TP53BP2: variants seen among roughly 807,000 people sequenced by gnomAD.
TP53BP2 encodes apoptosis-stimulating of p53 protein 2.
Under a neutral mutation model 126.2 loss-of-function variants are expected in TP53BP2, and 62 were observed. The ratio of observed to expected loss-of-function variants is 0.49; its 90% confidence interval spans 0.40 to 0.61. The LOEUF is 0.61. Among genes scored for constraint, TP53BP2 ranks in the 20% least tolerant of loss-of-function variants. The pLI is 0.00. For missense variants in TP53BP2, 1,215 were observed against 1,402.8 expected, an observed-to-expected ratio of 0.87 and a Z score of 2.14; for synonymous variants, 485 against 502.9, an observed-to-expected ratio of 0.96 and a Z score of 0.48.
Position 223,796,557 on chromosome 1 carries a change from T to C in TP53BP2, c.1982A>G (p.Asn661Ser). The C allele has an allele frequency of 6.2e-7, 1 of 1,612,466 alleles. No homozygotes were observed. Among genetic ancestry groups the C allele is most frequent in the Non-Finnish European group, 8.5e-7 (1 of 1,179,220 alleles). Reference sequence around the variant, plus strand: ...AATGTTCTCTGGGTGCTGCTGTTGATTCTGGGCAGCAGCAATTACAGGCTT... The same window carrying C: ...AATGTTCTCTGGGTGCTGCTGTTGACTCTGGGCAGCAGCAATTACAGGCTT... ...YGKPVIAAAQNQQQHPENIYS... is the reference protein window; with the variant it reads ...YGKPVIAAAQSQQQHPENIYS... Residue 661 changes from asparagine (N) to serine (S), a missense_variant, in exon 13 of 18, where the codon AAT (asparagine) becomes AGT (serine). Physicochemically the swap from Asn to Ser is conservative, Grantham distance 46. Around this residue, in one of 4 missense-constraint regions of TP53BP2, gnomAD observed 814 missense variants for 853.0 expected, o/e 0.95. Transcript: ENST00000343537. The surrounding 1 kb of genome is among the most constrained non-coding windows in gnomAD (Gnocchi z 4.2).
In TP53BP2 at chr1:223,784,139, T is replaced by C. The variant is rs750606250; in HGVS notation, c.3339A>G (p.Gly1113=). 6.2e-7 allele frequency: 1 copy of C among 1,614,154 alleles called. No homozygotes were observed. Among genetic ancestry groups the C allele is most frequent in the South Asian group, 1.1e-5 (1 of 91,088 alleles). ...WWWARLNDKE[G]YVPRNLLGLY... ...CTCCCAGCAAGTTACGTGGAACATA[T>C]CCCTCCTTATCATTAAGGCGCGCCC... The change falls in exon 17 of 18, where the codon GGA becomes GGG. Residue 1113 remains glycine (G), a synonymous_variant. Transcript: ENST00000343537.
intron 16 of TP53BP2, among the ~76,000 whole-genome samples, chr1:223,788,072 A>AAAAAT (rs3051220): frequency 0.17 from 26,055 of 151,402 alleles, 3,524 homozygotes; most frequent in African/African-American, 0.36. Flanking sequence ...TCGCCTCTAA[A>AAAAAT]AAAATAAAAT....
rs757349307 is a variant in TP53BP2, at chr1:223,799,891, G to T, written c.1485+8C>A. On this transcript the variant is annotated splice_region_variant and intron_variant, in intron 11 of 17. Transcript: ENST00000343537. ...TTAAATTTTAAAAACCAGGATATTT[G>T]TAGGTACCTGAGCATCCCGCAAGAT... The T allele has an allele frequency of 6.4e-7, 1 of 1,568,414 alleles. No individual in the cohort carries two copies. The highest frequency in any genetic ancestry group is 1.2e-5 in the South Asian group (1 of 82,960).
intron 7 of TP53BP2, 177 bp from the exon 8 acceptor site, chr1:223,803,072 G>A: frequency 1.1e-6 from 1 of 877,580 alleles, no homozygotes; most frequent in Non-Finnish European, 1.7e-6. Context: ...CACCAGCTGT[G>A]GTTATGAGGA....
intron 1 of TP53BP2, among the ~76,000 whole-genome samples, chr1:223,825,329 G>A (rs979237243): frequency 6.6e-6 from 1 of 152,098 alleles, no homozygotes; most frequent in Non-Finnish European, 1.5e-5. Flanking sequence ...AACTCACCCA[G>A]GTCACACAGC....
intron 14 of TP53BP2, 35 bp downstream of exon 14, chr1:223,793,268 A>C: frequency 6.7e-7 from 1 of 1,483,186 alleles, no homozygotes; most frequent in Non-Finnish European, 9.0e-7. Context: ...CGAGACTCTG[A>C]CTCAAAAAAA....
intron 16 of TP53BP2, among the ~76,000 whole-genome samples, chr1:223,786,662 A>G (rs1253215488): frequency 6.7e-6 from 1 of 149,564 alleles, no homozygotes; most frequent in Non-Finnish European, 1.5e-5. Context: ...GCTGGAGTGC[A>G]GTGGCGTGAT....
chr1:223,843,234 T>C (rs923292652), intron 1 of TP53BP2, among the ~76,000 whole-genome samples: 21 of 151,748 alleles, frequency 1.4e-4, no homozygotes, highest in Non-Finnish European at 2.2e-4. Flanking sequence ...AGTACAGTGG[T>C]GCCATCTCGG....
chr1:223,790,765 A>T (rs1662129824), intron 15 of TP53BP2, among the ~76,000 whole-genome samples: 1 of 151,920 alleles, frequency 6.6e-6, no homozygotes, highest in Non-Finnish European at 1.5e-5. Flanking sequence ...CAGCGCACCT[A>T]GCTAATTTTT....
chr1:223,785,837 G>A (rs1473155179), intron 16 of TP53BP2, among the ~76,000 whole-genome samples: 2 of 152,124 alleles, frequency 1.3e-5, no homozygotes, highest in African/African-American at 2.4e-5. Context: ...CGAAAGCTAC[G>A]AGGTATCATT....
chr1:223,786,565 T>C (rs914243290), intron 16 of TP53BP2, among the ~76,000 whole-genome samples: 2 of 137,374 alleles, frequency 1.5e-5, no homozygotes, highest in African/African-American at 5.8e-5. Context: ...TATATATGTG[T>C]GTGTGTGCGT....
chr1:223,822,519 A>G (rs1663347543), intron 1 of TP53BP2, among the ~76,000 whole-genome samples: 1 of 152,052 alleles, frequency 6.6e-6, no homozygotes, highest in African/African-American at 2.4e-5. Context: ...TTAAAAGAAA[A>G]TCAGCCAGAC....
At chr1:223,810,569 G>T in intron 3 of TP53BP2, 56 bp from the exon 4 acceptor site, 1 of 1,216,600 alleles carries the variant, frequency 8.2e-7, no homozygotes, top group Non-Finnish European at 1.2e-6. Context: ...GATATTTTAA[G>T]AACCAGTTCA....
At chr1:223,831,480 A>AAAAAAT (rs1287271743) in intron 1 of TP53BP2, among the ~76,000 whole-genome samples, 13 of 32,462 alleles carry the variant, frequency 4.0e-4, no homozygotes, top group Non-Finnish European at 5.8e-4. Flanking sequence ...AAAAAAAAAA[A>AAAAAAT]ATATATATAT....
At chr1:223,829,202 C>G (rs1055571772) in intron 1 of TP53BP2, among the ~76,000 whole-genome samples, 48 of 152,060 alleles carry the variant, frequency 3.2e-4, no homozygotes, top group African/African-American at 1.1e-3. Flanking sequence ...AGCATGGTAG[C>G]GTATACCTAT....
At chr1:223,833,023 C>T (rs16842294) in intron 1 of TP53BP2, among the ~76,000 whole-genome samples, 20,005 of 152,148 alleles carry the variant, frequency 0.13, 1,806 homozygotes, top group African/African-American at 0.24. Flanking sequence ...ACCTCCCTGA[C>T]GATGGGTCCC....
intron 1 of TP53BP2, among the ~76,000 whole-genome samples, chr1:223,823,455 G>T (rs531621032): frequency 6.6e-6 from 1 of 152,178 alleles, no homozygotes; most frequent in East Asian, 1.9e-4. Context: ...TATAACAGAG[G>T]GTAATCCAGA....
intron 12 of TP53BP2, 123 bp downstream of exon 12, chr1:223,798,092 C>T (rs1014300459): frequency 3.3e-6 from 3 of 920,894 alleles, no homozygotes; most frequent in Non-Finnish European, 4.9e-6. Flanking sequence ...AGAACAGAAG[C>T]CACAGTTAAA....
At chr1:223,781,953 G>T (rs1461542425) in intron 17 of TP53BP2, among the ~76,000 whole-genome samples, 1 of 152,076 alleles carries the variant, frequency 6.6e-6, no homozygotes. Flanking sequence ...TCTTCTAAGC[G>T]CCACACACAC....
Sources: allele counts gnomAD v4.1 joint callset (sites outside exome capture counted in the v4.1 genomes callset), GRCh38; gene constraint gnomAD v4.1.1; regional missense constraint gnomAD v4.1.1; non-coding constraint Gnocchi (gnomAD v3.1); transcripts MANE v1.5; gene names NCBI Gene and HGNC (gene_info 2026-07-23, HGNC 2026-07-21).